CLVS1: variants seen among roughly 807,000 people sequenced by gnomAD.
The protein encoded by CLVS1 is clavesin-1.
Under a neutral mutation model 33.1 loss-of-function variants are expected in CLVS1, and 10 were observed. The ratio of observed to expected loss-of-function variants is 0.30; its 90% CI spans 0.19 to 0.51. CLVS1 has a LOEUF of 0.51. Ranked by LOEUF, CLVS1 falls within the 20% of genes least tolerant of loss-of-function variation. CLVS1 has a pLI of 0.97. For synonymous variants in CLVS1, 163 were observed against 166.1 expected (o/e 0.98, Z 0.14); for missense variants, 343 against 433.4 (o/e 0.79, Z 1.85).
At chr8:61,174,491 C>G (rs1807074837) in intron 2 of CLVS1, among the ~76,000 whole-genome samples, 1 of 151,962 alleles carries the variant, frequency 6.6e-6, no homozygotes, top group Non-Finnish European at 1.5e-5. Flanking sequence ...TTTTAAAGAC[C>G]AAAATTCAAC....
At chr8:61,317,347 C>T (rs1256669480) in intron 2 of CLVS1, among the ~76,000 whole-genome samples, 1 of 152,176 alleles carries the variant, frequency 6.6e-6, no homozygotes, top group Non-Finnish European at 1.5e-5. Context: ...ACCTTACTCC[C>T]TTTCCTGAGG....
At chr8:61,304,190 A>G (rs1462292169) in intron 2 of CLVS1, among the ~76,000 whole-genome samples, 1 of 152,248 alleles carries the variant, frequency 6.6e-6, no homozygotes, top group Admixed American at 6.5e-5. Flanking sequence ...ACTAAGATTA[A>G]AATGGTTATG....
chr8:61,228,017 T>G (rs1292774186), intron 2 of CLVS1, among the ~76,000 whole-genome samples: 1 of 152,120 alleles, frequency 6.6e-6, no homozygotes. Context: ...AAAAAACGAG[T>G]GCCCTTAGAA....
chr8:61,270,518 G>C (rs771020572), intron 2 of CLVS1, among the ~76,000 whole-genome samples: 15 of 152,132 alleles, frequency 9.9e-5, no homozygotes, highest in Non-Finnish European at 2.1e-4. Context: ...TCAGAATGCT[G>C]CTGGCCTCAT....
chr8:61,394,514 G>A (rs1814440151), intron 3 of CLVS1, among the ~76,000 whole-genome samples: 1 of 152,158 alleles, frequency 6.6e-6, no homozygotes, highest in Admixed American at 6.5e-5. Context: ...TGCAGCCACT[G>A]TGGGGGATTG....
intron 5 of CLVS1, among the ~76,000 whole-genome samples, chr8:61,483,953 T>A (rs2101707): frequency 0.73 from 111,096 of 151,376 alleles, 42,303 homozygotes; most frequent in Non-Finnish European, 0.85. Context: ...TCTCAAAATA[T>A]GAGCTATTTA....
upstream of CLVS1, among the ~76,000 whole-genome samples, chr8:61,056,127 G>A (rs987823887): frequency 5.9e-5 from 9 of 152,224 alleles, no homozygotes; most frequent in Admixed American, 6.5e-5. Context: ...AGGGAGGTTG[G>A]GAAGTATCAT....
intron 5 of CLVS1, among the ~76,000 whole-genome samples, chr8:61,478,646 C>CT (rs1054126201): frequency 7.9e-5 from 12 of 152,112 alleles, no homozygotes; most frequent in African/African-American, 2.4e-4. Context: ...CAACCCCTGC[C>CT]TTTTTTTGTT....
At chr8:61,118,473 A>G (rs1431036109) in intron 1 of CLVS1, among the ~76,000 whole-genome samples, 7 of 147,146 alleles carry the variant, frequency 4.8e-5, no homozygotes, top group Admixed American at 2.0e-4. Context: ...TAGGGTGTCA[A>G]TTTTGCATCT....
chr8:61,135,174 A>G (rs546769958), intron 2 of CLVS1, among the ~76,000 whole-genome samples: 69 of 151,912 alleles, frequency 4.5e-4, no homozygotes, highest in Middle Eastern at 3.4e-3. Flanking sequence ...GGAAAATGCT[A>G]TATGGCAGCC....
At chr8:61,148,471 C>T (rs1190470885) in intron 2 of CLVS1, among the ~76,000 whole-genome samples, 4 of 152,230 alleles carry the variant, frequency 2.6e-5, no homozygotes, top group Admixed American at 2.0e-4. Context: ...GCCTGCCCCT[C>T]CCCACTCTCA....
chr8:61,281,048 T>C (rs146186639), intron 2 of CLVS1, among the ~76,000 whole-genome samples: 84 of 152,392 alleles, frequency 5.5e-4, no homozygotes, highest in African/African-American at 1.6e-3. Flanking sequence ...CTCAAATCTA[T>C]ACTCAGAAAC....
intron 1 of CLVS1, among the ~76,000 whole-genome samples, chr8:61,106,270 C>A (rs1288555284): frequency 6.6e-6 from 1 of 152,172 alleles, no homozygotes; most frequent in African/African-American, 2.4e-5. Context: ...CTCTAAAAAA[C>A]AAACAGGAAA....
At chr8:61,240,560 A>G (rs1393750864) in intron 2 of CLVS1, among the ~76,000 whole-genome samples, 1 of 152,226 alleles carries the variant, frequency 6.6e-6, no homozygotes, top group Non-Finnish European at 1.5e-5. Flanking sequence ...ATGCTGCAGT[A>G]AAGGCAAGAT....
chr8:61,383,605 T>C (rs1449371296), intron 3 of CLVS1, among the ~76,000 whole-genome samples: 1 of 152,224 alleles, frequency 6.6e-6, no homozygotes, highest in South Asian at 2.1e-4. Context: ...CATTATGTTA[T>C]GATATGAATA....
chr8:61,116,061 A>G (rs1354184561), intron 1 of CLVS1, among the ~76,000 whole-genome samples: 11 of 150,750 alleles, frequency 7.3e-5, no homozygotes, highest in African/African-American at 1.2e-4. Context: ...TTTAATGATC[A>G]CCATTCTAAC....
chr8:61,468,376 G>C (rs182971101), intron 5 of CLVS1, among the ~76,000 whole-genome samples: 9 of 152,238 alleles, frequency 5.9e-5, no homozygotes, highest in African/African-American at 2.2e-4. Flanking sequence ...AAAAATGTTT[G>C]TTTGTTGTTT....
chr8:60,982,680 C>T, the CLVS1 span, among the ~76,000 whole-genome samples: 287 of 152,232 alleles, frequency 1.9e-3, no homozygotes, highest in African/African-American at 6.8e-3. Context: ...AAATAAGTGG[C>T]AGTGAGGTTT....
chr8:61,217,917 A>G (rs557695398), intron 2 of CLVS1, among the ~76,000 whole-genome samples: 1 of 152,354 alleles, frequency 6.6e-6, no homozygotes, highest in South Asian at 2.1e-4. Context: ...GACATAATTA[A>G]TCATCAGGGA....
Sources: gnomAD v4.1 joint callset for allele counts (sites outside exome capture counted in the v4.1 genomes callset) on GRCh38, gnomAD v4.1.1 for gene constraint, MANE v1.5 for transcripts, NCBI Gene and HGNC (gene_info 2026-07-23, HGNC 2026-07-21) for gene names.